Variants in DOC2B observed in about 807,000 individuals in gnomAD.
DOC2B encodes the protein double C2-like domain-containing protein beta.
In DOC2B, 21 loss-of-function variants were observed where a neutral mutation model predicts 28.9. The ratio of observed to expected loss-of-function variants is 0.73; its 90% CI spans 0.52 to 1.05. The LOEUF is 1.05. Ranked by LOEUF, DOC2B falls within the 50% of genes least tolerant of loss-of-function variation. The probability of loss-of-function intolerance (pLI) is 0.00; values close to 1 mark genes in which losing one functional copy is unlikely to be tolerated. For missense variants in DOC2B, 384 were observed against 421.1 expected (o/e 0.91, Z 0.77); for synonymous variants, 194 against 178.1 (o/e 1.09, Z -0.71).
At chr17:165,133 C>T (rs2040247478) in intron 2 of DOC2B, among the ~76,000 whole-genome samples, 1 of 151,398 alleles carries the variant, frequency 6.6e-6, no homozygotes, top group East Asian at 1.9e-4. Context: ...GCCTGGCTGG[C>T]TTGGGCTCCA....
chr17:154,292 C>T (rs937197431), intron 6 of DOC2B, among the ~76,000 whole-genome samples: 5 of 149,956 alleles, frequency 3.3e-5, no homozygotes, highest in Non-Finnish European at 7.4e-5. Flanking sequence ...TGATATTCCA[C>T]GCACCTGCTA....
intron 6 of DOC2B, among the ~76,000 whole-genome samples, chr17:154,025 T>C (rs1456229070): frequency 1.3e-5 from 2 of 152,184 alleles, no homozygotes; most frequent in Admixed American, 6.5e-5. Flanking sequence ...GTCATAGAAA[T>C]AGAGTCCTGC....
chr17:153,700 C>CA (rs986649114), intron 6 of DOC2B, among the ~76,000 whole-genome samples: 6,563 of 138,024 alleles, frequency 0.048, 358 homozygotes, highest in African/African-American at 0.14. Context: ...GACTCTGTCT[C>CA]AAAAAAAAAA....
chr17:162,046 G>A lies in DOC2B; in HGVS notation c.638+35C>T, dbSNP rs76721911. The A allele has an allele frequency of 0.027, 38,790 of 1,439,170 alleles. 4,340 individuals are homozygous for A. In the East Asian group the frequency reaches 0.35, roughly 13 times the overall value. 89.2% of individuals were successfully genotyped at this position (1,439,170 alleles called of 1,614,324 possible). ...GAAAAGCCGGGTGGGAGTAGGGGTT[G>A]GGGAGGGAGCAGGCGGCCTGGGACC... On this transcript the variant is annotated intron_variant, in intron 4 of 8. Coordinates refer to ENST00000613549, the MANE Select transcript of DOC2B (RefSeq NM_003585.5).
At chr17:147,918 GC>G (rs1272553993) in intron 8 of DOC2B, among the ~76,000 whole-genome samples, 77 of 152,314 alleles carry the variant, frequency 5.1e-4, no homozygotes, top group Non-Finnish European at 1.0e-3. Flanking sequence ...TCAGAGTCCA[GC>G]CCGAGGCACT....
chr17:148,669 T>C (rs2040041284), intron 7 of DOC2B, among the ~76,000 whole-genome samples: 1 of 152,176 alleles, frequency 6.6e-6, no homozygotes, highest in South Asian at 2.1e-4. Context: ...CCTGCCTGCC[T>C]CTGGATCACT....
chr17:150,055 T>G (rs1172167648), intron 6 of DOC2B, among the ~76,000 whole-genome samples: 3 of 152,128 alleles, frequency 2.0e-5, no homozygotes, highest in Non-Finnish European at 4.4e-5. Context: ...TGTCTTCCTC[T>G]GAGGCTCAGA....
chr17:169,506 T>TA (rs964942326), intron 2 of DOC2B, among the ~76,000 whole-genome samples: 8 of 151,150 alleles, frequency 5.3e-5, no homozygotes, highest in Admixed American at 1.3e-4. Context: ...AGGGAAGAAG[T>TA]AAAAAAAAGT....
chr17:165,564 T>C (rs1467477797), intron 2 of DOC2B, among the ~76,000 whole-genome samples: 3 of 150,802 alleles, frequency 2.0e-5, no homozygotes, highest in Non-Finnish European at 3.0e-5. Flanking sequence ...AGGGAGACTG[T>C]GTGGACACAG....
chr17:147,584 G>A lies in DOC2B; in HGVS notation c.1103-7C>T, dbSNP rs930451088. ...ATGCCCAGAACCACACCACCTGCAG[G>A]AGGACAGGAGGGGCAGCTGGGGCAC... On this transcript the variant is annotated splice_polypyrimidine_tract_variant and splice_region_variant and intron_variant, in intron 8 of 8. Transcript: ENST00000613549. The A allele has an allele frequency of 4.2e-4, 166 of 398,840 alleles. No individual in the cohort carries two copies. The highest frequency in any genetic ancestry group is 3.2e-3 in the African/African-American group (155 of 48,766). The allele number at this position is 398,840 out of a possible 1,614,324, so 24.7% of individuals were successfully genotyped here. A position where few individuals can be genotyped will look rare whatever the true frequency, so the allele number is the denominator to read the frequency against.
chr17:169,587 T>C (rs1469335718), intron 2 of DOC2B, among the ~76,000 whole-genome samples: 1 of 152,084 alleles, frequency 6.6e-6, no homozygotes, highest in Non-Finnish European at 1.5e-5. Flanking sequence ...GAACTGGTAG[T>C]GCCAGGGGCC....
intron 6 of DOC2B, among the ~76,000 whole-genome samples, chr17:153,174 G>A (rs1269659865): frequency 3.3e-5 from 5 of 152,166 alleles, no homozygotes; most frequent in East Asian, 1.9e-4. Flanking sequence ...CCTGGCCCAC[G>A]GCTGGCAGGT....
intron 2 of DOC2B, among the ~76,000 whole-genome samples, chr17:165,950 C>G (rs902460667): frequency 2.6e-5 from 4 of 152,214 alleles, no homozygotes; most frequent in African/African-American, 9.7e-5. Context: ...ACTTACAAAC[C>G]TTTGGGCCAC....
chr17:161,371 C>T (rs1182720939), intron 5 of DOC2B, 44 bp downstream of exon 5: 47 of 1,543,546 alleles, frequency 3.0e-5, no homozygotes, highest in Non-Finnish European at 4.0e-5. Flanking sequence ...CCAGCACCTG[C>T]CACCGAGCCA....
chr17:180,974 C>A (rs1012084270), intron 1 of DOC2B, 133 bp downstream of exon 1: 4 of 766,832 alleles, frequency 5.2e-6, no homozygotes, highest in Non-Finnish European at 7.0e-6. Context: ...GGCCCGCAAG[C>A]CCGCGGCGGG....
intron 5 of DOC2B, among the ~76,000 whole-genome samples, chr17:159,739 C>T (rs185818291): frequency 1.2e-4 from 18 of 152,306 alleles, no homozygotes; most frequent in African/African-American, 4.1e-4. Context: ...GGGCCGGTAG[C>T]GCATCCAGCA....
chr17:147,255 C>T lies in DOC2B; in HGVS notation c.*186G>A, dbSNP rs2040026143. ...GAGCCCCCCACCCCAGCTCCTTGCC[C>T]TCCCCGTCCCAGAGTGGCTGAGCCC... On this transcript the variant is annotated 3_prime_UTR_variant, in exon 9 of 9. Transcript: ENST00000613549. 7.6e-6 allele frequency: 3 copies of T among 395,122 alleles called. No individual in the cohort carries two copies. Among genetic ancestry groups the T allele is most frequent in the East Asian group, 7.2e-5 (2 of 27,916 alleles). 24.5% of individuals were successfully genotyped at this position (395,122 alleles called of 1,614,324 possible).
At chr17:149,825 T>G (rs2040053448) in intron 6 of DOC2B, among the ~76,000 whole-genome samples, 1 of 152,202 alleles carries the variant, frequency 6.6e-6, no homozygotes. Flanking sequence ...TTTTATAAAA[T>G]AGCAGATTTA....
intron 4 of DOC2B, 71 bp from the exon 5 acceptor site, chr17:161,612 G>C: frequency 6.5e-7 from 1 of 1,540,236 alleles, no homozygotes; most frequent in Non-Finnish European, 8.8e-7. Flanking sequence ...GTGTGCGCAG[G>C]TAGGGCCAGC....
Sources: gnomAD v4.1 joint callset for allele counts (sites outside exome capture counted in the v4.1 genomes callset) on GRCh38, gnomAD v4.1.1 for gene constraint, MANE v1.5 for transcripts, NCBI Gene and HGNC (gene_info 2026-07-23, HGNC 2026-07-21) for gene names.